The following RPUSD3 variants were observed in gnomAD, a reference collection of about 807,000 sequenced individuals.
The protein encoded by RPUSD3 is mitochondrial mRNA pseudouridine synthase RPUSD3.
In RPUSD3, 36 loss-of-function variants were observed where a neutral mutation model predicts 35.1. The ratio of observed to expected loss-of-function variants is 1.02; its 90% CI spans 0.79 to 1.35. The LOEUF (loss-of-function observed/expected upper bound fraction) is 1.35, where lower values mean the gene tolerates loss of function less well. Among genes scored for constraint, RPUSD3 ranks in the 40% most tolerant of loss-of-function variants. The pLI is 0.00. For synonymous variants in RPUSD3, 202 were observed against 187.8 expected, an observed-to-expected ratio of 1.08 and a Z score of -0.62; for missense variants, 486 against 441.9, an observed-to-expected ratio of 1.10 and a Z score of -0.89.
intron 2 of RPUSD3, chr3:9,842,923 C>T (rs943310361): frequency 6.4e-6 from 1 of 155,892 alleles, no homozygotes; most frequent in African/African-American, 2.4e-5. Context: ...CTGAGTCTTG[C>T]TCTGTCATCC....
In RPUSD3 at chr3:9,840,309, T is replaced by G; in HGVS notation, c.601-2A>C. The G allele has an allele frequency of 6.2e-7, 1 of 1,614,158 alleles. No individual in the cohort carries two copies. The highest frequency in any genetic ancestry group is 8.5e-7 in the Non-Finnish European group (1 of 1,180,026). On this transcript the variant is annotated splice_acceptor_variant, in intron 6 of 8. Transcript: ENST00000383820. LOFTEE classifies it high-confidence loss of function. ...GGATGGGGCCTTCACTGGAACTGTC[T>G]GTGGTGCCAGCCAAGAGTGAACAAG... is the stretch of plus-strand genomic sequence containing the variant.
intron 2 of RPUSD3, 121 bp downstream of exon 2, chr3:9,843,344 A>G: frequency 6.9e-7 from 1 of 1,451,850 alleles, no homozygotes; most frequent in Non-Finnish European, 9.4e-7. Flanking sequence ...GGCTTGTCCC[A>G]GCTCATGCTG....
At chr3:9,843,561 G>T in exon 2 of RPUSD3, 1 of 1,613,796 alleles carries the variant, frequency 6.2e-7, no homozygotes. Context: ...TCCCCGAGGG[G>T]CCCCGACCGT....
chr3:9,842,111 A>G (rs2125025991), intron 3 of RPUSD3, 29 bp from the exon 4 acceptor site: 1 of 1,609,556 alleles, frequency 6.2e-7, no homozygotes, highest in East Asian at 2.2e-5. Context: ...AAATTACAAG[A>G]GGCCAAAGCT....
At chr3:9,840,106 T>C (rs1199143091) in intron 7 of RPUSD3, 78 bp downstream of exon 7, 8 of 1,553,510 alleles carry the variant, frequency 5.1e-6, no homozygotes, top group African/African-American at 1.4e-5. Context: ...GGTCTTGAAC[T>C]CCTGACCTCG....
chr3:9,840,408 G>A (rs2082085823), intron 6 of RPUSD3, 101 bp from the exon 7 acceptor site: 1 of 1,607,298 alleles, frequency 6.2e-7, no homozygotes, highest in African/African-American at 1.3e-5. Flanking sequence ...CACAGTATAG[G>A]CAGTGGTCAC....
chr3:9,839,567 C>T (rs979678469), intron 7 of RPUSD3: 7 of 160,786 alleles, frequency 4.4e-5, no homozygotes, highest in Non-Finnish European at 9.4e-5. Flanking sequence ...TCCTTGCCTC[C>T]CTAAGCCAAG....
At chr3:9,843,420 C>G (rs576420857) in intron 2 of RPUSD3, 45 bp downstream of exon 2, 2 of 1,608,208 alleles carry the variant, frequency 1.2e-6, no homozygotes, top group Non-Finnish European at 1.7e-6. Flanking sequence ...CACGCCGAGG[C>G]AGTCCCCTCC....
exon 6 of RPUSD3, chr3:9,840,585 C>G: frequency 6.2e-7 from 1 of 1,614,046 alleles, no homozygotes; most frequent in South Asian, 1.1e-5. Flanking sequence ...ATCTTCCCCT[C>G]AGAAGCAGCT....
rs749767157 is a variant in RPUSD3, at chr3:9,840,521, C to G, written c.600+11G>C. On this transcript the variant is annotated intron_variant, in intron 6 of 8. Coordinates refer to ENST00000383820, the Ensembl canonical transcript of RPUSD3. ...TAGAAGCACCCCTCCTCTTCCCAGA[C>G]CCGGACTCACGAGATTGACCCCATC... The G allele has an allele frequency of 6.2e-7, 1 of 1,613,828 alleles. No individual in the cohort carries two copies. Among genetic ancestry groups the G allele is most frequent in the Non-Finnish European group, 8.5e-7 (1 of 1,179,774 alleles).
exon 9 of RPUSD3, chr3:9,837,940 T>A: frequency 6.9e-7 from 1 of 1,454,850 alleles, no homozygotes; most frequent in Non-Finnish European, 9.2e-7. Context: ...CAGGATGTGA[T>A]CTTAGGTTTG....
rs1214002338 is a variant in RPUSD3, at chr3:9,839,182, G to A, written c.725-11C>T. ...GTTGACTGGAGAACACTGGGCAACA[G>A]GAAAGCCAGGAGAGACAGTGGGCAG... On this transcript the variant is annotated splice_polypyrimidine_tract_variant and intron_variant, in intron 7 of 8. Coordinates refer to ENST00000383820, the Ensembl canonical transcript of RPUSD3. 6.2e-7 allele frequency: 1 copy of A among 1,601,842 alleles called. No homozygotes were observed. Among genetic ancestry groups the A allele is most frequent in the African/African-American group, 1.3e-5 (1 of 74,764 alleles).
chr3:9,840,031 C>G (rs1293740520), intron 7 of RPUSD3, 153 bp downstream of exon 7: 2 of 904,920 alleles, frequency 2.2e-6, no homozygotes, highest in Non-Finnish European at 3.2e-6. Flanking sequence ...CAGGCGCCTG[C>G]CACCGTGCCC....
In RPUSD3 at chr3:9,843,937, C is replaced by G. The variant is rs754141102; in HGVS notation, c.78G>C (p.Leu26=). The G allele has an allele frequency of 7.8e-5, 125 of 1,600,896 alleles. 4 individuals are homozygous for G. The South Asian group carries it at 1.3e-3, about 17-fold the overall frequency. ...CGTCCTCGGGCACTGGGCGGACACC[C>G]AGGCCCCGCCGCCAGCCACTCCAGA... Residue 26 remains leucine (L), a synonymous_variant, in exon 1 of 9, where the codon CTG becomes CTC. Transcript: ENST00000383820.
chr3:9,841,406 C>T (rs1186333946), intron 4 of RPUSD3: 1 of 154,242 alleles, frequency 6.5e-6, no homozygotes, highest in Non-Finnish European at 1.4e-5. Context: ...CTGCCATCTT[C>T]TGAGCTCAGG....
intron 2 of RPUSD3, chr3:9,842,445 C>T (rs941014527): frequency 1.6e-6 from 1 of 615,862 alleles, no homozygotes; most frequent in Non-Finnish European, 2.9e-6. Context: ...TGTTTCCTGT[C>T]CCCAAATTTC....
At chr3:9,838,349 C>CTGTGTGCAA in intron 8 of RPUSD3, 142 bp from the exon 9 acceptor site, 8 of 772,964 alleles carry the variant, frequency 1.0e-5, no homozygotes, top group Non-Finnish European at 1.7e-5. Context: ...TCTTTGCACA[C>CTGTGTGCAA]AGATGTGCAC....
intron 7 of RPUSD3, 55 bp downstream of exon 7, chr3:9,840,129 C>G: frequency 1.9e-6 from 3 of 1,584,012 alleles, no homozygotes; most frequent in Non-Finnish European, 2.6e-6. Flanking sequence ...ATCCACCTGC[C>G]TCAGCCTCCC....
chr3:9,839,011 C>T, intron 8 of RPUSD3, 21 bp downstream of exon 8: 1 of 1,613,966 alleles, frequency 6.2e-7, no homozygotes, highest in Non-Finnish European at 8.5e-7. Context: ...CAGAAAGCAG[C>T]AGGCAGGTGG....
Sources: gnomAD v4.1 joint callset for allele counts on GRCh38, gnomAD v4.1.1 for gene constraint, MANE v1.5 for transcripts, NCBI Gene and HGNC (gene_info 2026-07-23, HGNC 2026-07-21) for gene names.